Variants in MYO5B observed in about 807,000 individuals in gnomAD.
MYO5B encodes the protein myosin VB.
A neutral mutation model predicts 229.3 loss-of-function variants in MYO5B; 143 were observed. The ratio of observed to expected loss-of-function variants is 0.62; its 90% CI spans 0.54 to 0.72. The LOEUF is 0.72. Ranked by LOEUF, MYO5B falls within the 30% of genes least tolerant of loss-of-function variation. The pLI, the probability that MYO5B is intolerant of heterozygous loss-of-function variation, is 0.00. For missense variants in MYO5B, 2,321 were observed against 2,331.0 expected (o/e 1.00, Z 0.09); for synonymous variants, 918 against 885.2 (o/e 1.04, Z -0.66).
At position 50,042,433 on chromosome 18, in the gene MYO5B, G is replaced by A. The variant is rs2030047299; in HGVS notation, c.139-2119C>T. Among the ~76,000 whole-genome samples the A allele has an allele frequency of 2.0e-5, 3 of 152,138 alleles. No homozygotes were observed. The South Asian group carries it at 6.2e-4, about 32-fold the overall frequency. On this transcript the variant is annotated intron_variant, in intron 2 of 39. Transcript: ENST00000285039. The stretch of plus-strand genomic sequence containing the variant: ...TTGTTAGTGGGATTTCCTTTAGACA[G>A]TTTCCTGTTTTTTTCTTTATATTAA...
At chr18:50,155,200 A>C (rs2032661023) in intron 1 of MYO5B, among the ~76,000 whole-genome samples, 1 of 152,184 alleles carries the variant, frequency 6.6e-6, no homozygotes, top group Admixed American at 6.5e-5. Flanking sequence ...CGTGGCACAA[A>C]CAACCAGGCC....
At chr18:50,162,416 C>T (rs973693371) in intron 1 of MYO5B, among the ~76,000 whole-genome samples, 6 of 152,188 alleles carry the variant, frequency 3.9e-5, no homozygotes, top group African/African-American at 1.2e-4. Flanking sequence ...AGTAAAACAT[C>T]TAATTTGTTG....
chr18:49,890,692 C>A (rs2024702159), intron 22 of MYO5B, among the ~76,000 whole-genome samples: 1 of 152,134 alleles, frequency 6.6e-6, no homozygotes, highest in African/African-American at 2.4e-5. Context: ...TTGGACAATG[C>A]CAATCAGAAA....
chr18:49,969,288 G>A (rs1328179895), intron 10 of MYO5B, among the ~76,000 whole-genome samples: 1 of 152,122 alleles, frequency 6.6e-6, no homozygotes, highest in African/African-American at 2.4e-5. Flanking sequence ...GCAGCTTTGA[G>A]GTTATTTATG....
chr18:49,830,708 C>T (rs2023905521), intron 39 of MYO5B, among the ~76,000 whole-genome samples: 1 of 151,518 alleles, frequency 6.6e-6, no homozygotes, highest in African/African-American at 2.4e-5. Context: ...ATTAGCCAGG[C>T]ATGGTGGTGC....
intron 1 of MYO5B, among the ~76,000 whole-genome samples, chr18:50,173,294 G>C (rs1232861096): frequency 6.6e-6 from 1 of 151,696 alleles, no homozygotes; most frequent in South Asian, 2.1e-4. Context: ...AAAAAAAAGA[G>C]GAGGCCAGTG....
At chr18:50,113,990 C>G (rs1436964643) in intron 1 of MYO5B, among the ~76,000 whole-genome samples, 1 of 152,208 alleles carries the variant, frequency 6.6e-6, no homozygotes, top group African/African-American at 2.4e-5. Context: ...GATTAAACTT[C>G]CATCTCACAG....
Position 50,194,694 on chromosome 18 carries a change from GCGACC to G in MYO5B, c.27+68_27+72del, listed in dbSNP as rs1272701248. 4 of 1,121,480 alleles carry G rather than the reference GCGACC, an allele frequency of 3.6e-6. No homozygotes were observed. In the East Asian group the frequency reaches 1.2e-4, roughly 34 times the overall value. The allele number at this position is 1,121,480 out of a possible 1,614,324, so 69.5% of individuals were successfully genotyped here. On this transcript the variant is annotated intron_variant, in intron 1 of 39. Coordinates refer to ENST00000285039, the MANE Select transcript of MYO5B (RefSeq NM_001080467.3). Reference sequence around the variant, plus strand: ...CCGCCTCCAGTAGCCGAGGGAGAAGGCGACCCTGAGTACTAGGTGGCCCCGAGCGC... The same window carrying G: ...CCGCCTCCAGTAGCCGAGGGAGAAGGCTGAGTACTAGGTGGCCCCGAGCGC...
intron 1 of MYO5B, among the ~76,000 whole-genome samples, chr18:50,182,450 G>T (rs1348282952): frequency 6.6e-6 from 1 of 152,162 alleles, no homozygotes; most frequent in Non-Finnish European, 1.5e-5. Context: ...AAAAATAGGA[G>T]ACTGTGCTCT....
intron 1 of MYO5B, among the ~76,000 whole-genome samples, chr18:50,180,437 G>C (rs1213757306): frequency 1.3e-5 from 2 of 152,122 alleles, no homozygotes; most frequent in African/African-American, 4.8e-5. Context: ...AGAAAGCTGA[G>C]GAACCAGGAC....
chr18:49,863,335 GC>G lies in MYO5B; in HGVS notation c.3844-9del, dbSNP rs745658311. On this transcript the variant is annotated splice_polypyrimidine_tract_variant and intron_variant, in intron 28 of 39. Transcript: ENST00000285039. The stretch of plus-strand genomic sequence containing the variant: ...GGCATTAATGTTCGGCTCCTAGAAA[GC>G]CCCAGATAAAAAAATAACTCTGGTT... 3.1e-6 allele frequency: 5 copies of G among 1,612,628 alleles called. No individual in the cohort carries two copies. The South Asian group carries it at 5.5e-5, about 18-fold the overall frequency.
At chr18:50,085,252 A>C (rs555443720) in intron 1 of MYO5B, among the ~76,000 whole-genome samples, 155 of 152,364 alleles carry the variant, frequency 1.0e-3, no homozygotes, top group African/African-American at 3.3e-3. Context: ...AAAGTGGGTG[A>C]AGGATATGAA....
chr18:50,077,470 C>T (rs2031111519), intron 1 of MYO5B, among the ~76,000 whole-genome samples: 2 of 146,444 alleles, frequency 1.4e-5, no homozygotes, highest in African/African-American at 5.0e-5. Context: ...TAAGGTGATC[C>T]GTGATCAAGG....
chr18:49,832,688 G>C (rs772960808), intron 39 of MYO5B, among the ~76,000 whole-genome samples: 1 of 152,166 alleles, frequency 6.6e-6, no homozygotes, highest in Non-Finnish European at 1.5e-5. Flanking sequence ...TAGAAAGCAT[G>C]ACTTAAATTT....
chr18:50,030,367 C>T (rs1019399261), intron 4 of MYO5B, among the ~76,000 whole-genome samples: 16 of 147,182 alleles, frequency 1.1e-4, no homozygotes, highest in East Asian at 5.8e-4. Context: ...AGGGTTGTCC[C>T]GGCAACAGAG....
At chr18:50,034,097 GA>G (rs2026421401) in intron 4 of MYO5B, among the ~76,000 whole-genome samples, 1 of 152,194 alleles carries the variant, frequency 6.6e-6, no homozygotes, top group African/African-American at 2.4e-5. Flanking sequence ...TCCAAAGACT[GA>G]AAACTATTAA....
chr18:49,843,573 C>T (rs1270782573), intron 33 of MYO5B, among the ~76,000 whole-genome samples, 181 bp from the exon 34 acceptor site: 1 of 152,204 alleles, frequency 6.6e-6, no homozygotes, highest in Non-Finnish European at 1.5e-5. Context: ...AGCATGCCTA[C>T]CAGTAGTTTC....
intron 4 of MYO5B, among the ~76,000 whole-genome samples, chr18:50,006,766 G>T (rs1598947671): frequency 6.6e-6 from 1 of 152,250 alleles, no homozygotes; most frequent in East Asian, 1.9e-4. Context: ...GCAGGTGGCT[G>T]GCAGGGCACC....
In MYO5B at chr18:49,826,463, A is replaced by G; in HGVS notation, c.*8T>C. On this transcript the variant is annotated 3_prime_UTR_variant, in exon 40 of 40. Coordinates refer to ENST00000285039, the MANE Select transcript of MYO5B (RefSeq NM_001080467.3). ...TGGGAATCAAACTAATGCTGGAAACATGCATCTTCAGACTTCATTGAGGAA... is the reference window on the plus strand; with the variant it reads ...TGGGAATCAAACTAATGCTGGAAACGTGCATCTTCAGACTTCATTGAGGAA... 1.2e-6 allele frequency: 2 copies of G among 1,613,840 alleles called. No individual in the cohort carries two copies. The highest frequency in any genetic ancestry group is 1.7e-6 in the Non-Finnish European group (2 of 1,179,802).
Sources: allele counts gnomAD v4.1 joint callset (sites outside exome capture counted in the v4.1 genomes callset), GRCh38; gene constraint gnomAD v4.1.1; transcripts MANE v1.5; gene names NCBI Gene and HGNC (gene_info 2026-07-23, HGNC 2026-07-21).